Variants in CAB39 observed in about 807,000 individuals in gnomAD.
The protein encoded by CAB39 is calcium-binding protein 39.
CAB39 carries 8 observed loss-of-function variants against 40.0 expected under a neutral mutation model. The ratio of observed to expected loss-of-function variants is 0.20; its 90% CI spans 0.12 to 0.36. The LOEUF is 0.36. Among genes scored for constraint, CAB39 ranks in the 10% least tolerant of loss-of-function variants. The pLI, the probability that CAB39 is intolerant of heterozygous loss-of-function variation, is 1.00. For missense variants in CAB39, 270 were observed against 401.1 expected, an observed-to-expected ratio of 0.67 and a Z score of 2.79; for synonymous variants, 156 against 141.6, an observed-to-expected ratio of 1.10 and a Z score of -0.72.
chr2:230,732,267 G>A (rs6752331), intron 1 of CAB39, among the ~76,000 whole-genome samples: 54,730 of 151,884 alleles, frequency 0.36, 13,650 homozygotes, highest in African/African-American at 0.71. Context: ...ATTTTTTAGT[G>A]GAGACGGTGT....
At chr2:230,792,076 A>G (rs1410629276) in intron 3 of CAB39, among the ~76,000 whole-genome samples, 1 of 152,232 alleles carries the variant, frequency 6.6e-6, no homozygotes, top group African/African-American at 2.4e-5. Flanking sequence ...TATGGTTCAT[A>G]AGTTGAGTAT....
chr2:230,746,966 A>G (rs150037409), intron 1 of CAB39, among the ~76,000 whole-genome samples: 260 of 152,350 alleles, frequency 1.7e-3, no homozygotes, highest in African/African-American at 5.8e-3. Context: ...ATACATAATA[A>G]CACATTATAA....
intron 2 of CAB39, among the ~76,000 whole-genome samples, chr2:230,786,485 A>C (rs1444787701): frequency 2.6e-5 from 4 of 152,234 alleles, no homozygotes; most frequent in Non-Finnish European, 5.9e-5. Context: ...CCATAACCAC[A>C]GTTAATTTTA....
intron 4 of CAB39, among the ~76,000 whole-genome samples, chr2:230,795,449 C>T (rs1009201973): frequency 3.3e-5 from 5 of 152,162 alleles, no homozygotes; most frequent in Admixed American, 2.6e-4. Flanking sequence ...GCTTCTGTAA[C>T]ATGTTCCACT....
At chr2:230,739,795 C>CT (rs1416324986) in intron 1 of CAB39, among the ~76,000 whole-genome samples, 1 of 152,164 alleles carries the variant, frequency 6.6e-6, no homozygotes, top group African/African-American at 2.4e-5. Context: ...CCTCCAGCCT[C>CT]TAATTTGAAG....
At chr2:230,768,159 C>T (rs936789062) in intron 2 of CAB39, among the ~76,000 whole-genome samples, 3 of 152,160 alleles carry the variant, frequency 2.0e-5, no homozygotes, top group African/African-American at 7.2e-5. Flanking sequence ...CTTCTGAATT[C>T]TTAATCTTAT....
chr2:230,805,853 G>A (rs1275856183), intron 5 of CAB39, among the ~76,000 whole-genome samples: 5 of 152,194 alleles, frequency 3.3e-5, no homozygotes, highest in Non-Finnish European at 5.9e-5. Flanking sequence ...AACTTCTAGC[G>A]AATTTCCACG....
At chr2:230,763,136 A>G (rs772772494) in intron 2 of CAB39, among the ~76,000 whole-genome samples, 7 of 152,252 alleles carry the variant, frequency 4.6e-5, no homozygotes, top group Non-Finnish European at 1.0e-4. Flanking sequence ...TTTAATGAAA[A>G]ATAACCATAT....
chr2:230,783,049 C>T (rs1418213066), intron 2 of CAB39, among the ~76,000 whole-genome samples: 1 of 151,780 alleles, frequency 6.6e-6, no homozygotes, highest in Non-Finnish European at 1.5e-5. Flanking sequence ...AGGATGGTCT[C>T]GATCTCCTGA....
chr2:230,763,206 G>C lies in CAB39; in HGVS notation c.114+3091G>C, dbSNP rs770382320. 4.1e-4 allele frequency among the ~76,000 whole-genome samples: 63 copies of C among 152,096 alleles called. 1 individual carries two copies. Among genetic ancestry groups the C allele is most frequent in the Non-Finnish European group, 6.3e-4 (43 of 68,018 alleles). On this transcript the variant is annotated intron_variant, in intron 2 of 8. Transcript: ENST00000258418. ...ATTGTTTTAAGTTTTGAAAATCTCC[G>C]TGTCTGGCTTAATAGAAAACAGCTG...
chr2:230,722,734 A>G (rs1342148914), intron 1 of CAB39, among the ~76,000 whole-genome samples: 4 of 152,240 alleles, frequency 2.6e-5, no homozygotes, highest in Non-Finnish European at 4.4e-5. Flanking sequence ...GAAGTCTCAA[A>G]TTCTTTCTGC....
intron 1 of CAB39, chr2:230,752,339 G>C (rs776084898): frequency 3.9e-5 from 6 of 152,028 alleles, no homozygotes; most frequent in Non-Finnish European, 5.9e-5. Context: ...CATTTGTGCT[G>C]CTATAACGAA....
chr2:230,774,119 C>G (rs1175173442), intron 2 of CAB39, among the ~76,000 whole-genome samples: 2 of 152,170 alleles, frequency 1.3e-5, no homozygotes, highest in Non-Finnish European at 2.9e-5. Flanking sequence ...TACTTTGACT[C>G]ATTATATTAG....
rs546845738 is a variant in CAB39, at chr2:230,730,876, A to C, written c.-44+17646A>C. Among the ~76,000 whole-genome samples the C allele has an allele frequency of 1.9e-4, 29 of 152,392 alleles. No homozygotes were observed. In the South Asian group the frequency reaches 6.0e-3, roughly 32 times the overall value. ...GATGATGGCCGAAGTGTTGACATTT[A>C]CCTCAGTATAGTAAAAGCTTATACA... On this transcript the variant is annotated intron_variant, in intron 1 of 8. Transcript: ENST00000258418.
chr2:230,772,767 G>A (rs900181636), intron 2 of CAB39, among the ~76,000 whole-genome samples: 11 of 152,116 alleles, frequency 7.2e-5, no homozygotes, highest in African/African-American at 2.4e-4. Flanking sequence ...TTACAGGCGT[G>A]AGACACCACG....
intron 1 of CAB39, among the ~76,000 whole-genome samples, chr2:230,726,708 C>CT (rs528963061): frequency 7.9e-5 from 12 of 151,962 alleles, no homozygotes; most frequent in Admixed American, 7.2e-4. Context: ...CATTTCTGTT[C>CT]TTTAAGATTG....
chr2:230,755,062 T>TAC lies in CAB39; in HGVS notation c.-43-4882_-43-4881dup, dbSNP rs572391133. Among the ~76,000 whole-genome samples, 1,206 of 151,600 alleles carry TAC rather than the reference T, an allele frequency of 8.0e-3. 18 individuals are homozygous for TAC. Among genetic ancestry groups the TAC allele is most frequent in the African/African-American group, 0.025 (1,051 of 41,370 alleles). ...GTAGTCCATCATATATATACATACA[T>TAC]ACACACACACACACACTCAACAGTT... is the stretch of plus-strand genomic sequence containing the variant. On this transcript the variant is annotated intron_variant, in intron 1 of 8. Coordinates refer to ENST00000258418, the MANE Select transcript of CAB39 (RefSeq NM_016289.4).
At chr2:230,732,720 T>TTATTCAGTTAGATCAGC (rs1320875247) in intron 1 of CAB39, among the ~76,000 whole-genome samples, 1 of 152,196 alleles carries the variant, frequency 6.6e-6, no homozygotes, top group Non-Finnish European at 1.5e-5. Context: ...ATCAGCCTGT[T>TTATTCAGTTAGATCAGC]CTGATTATTC....
At chr2:230,748,822 AAAAAAAAAAATAT>A (rs1272084494) in intron 1 of CAB39, among the ~76,000 whole-genome samples, 1 of 69,964 alleles carries the variant, frequency 1.4e-5, no homozygotes, top group East Asian at 3.6e-4. Flanking sequence ...AGAAAAAAAA[AAAAAAAAAAATAT>A]ATATATATAT....
Sources: gnomAD v4.1 joint callset for allele counts (sites outside exome capture counted in the v4.1 genomes callset) on GRCh38, gnomAD v4.1.1 for gene constraint, MANE v1.5 for transcripts, NCBI Gene and HGNC (gene_info 2026-07-23, HGNC 2026-07-21) for gene names.